Variants in SH3KBP1 observed in about 807,000 individuals in gnomAD.
SH3KBP1 encodes SH3 domain containing kinase binding protein 1, also known as SH3 domain-containing kinase-binding protein 1.
SH3KBP1 carries 8 observed loss-of-function variants against 50.1 expected under a neutral mutation model. The observed-to-expected ratio is 0.16, with a 90% CI of 0.09 to 0.29. The LOEUF (loss-of-function observed/expected upper bound fraction) is 0.29. Ranked by LOEUF, SH3KBP1 falls within the 10% of genes least tolerant of loss-of-function variation. SH3KBP1 has a pLI of 1.00. For missense variants in SH3KBP1, 377 were observed against 535.2 expected (o/e 0.70, Z 2.92); for synonymous variants, 227 against 218.6 (o/e 1.04, Z -0.34).
intron 2 of SH3KBP1, among the ~76,000 whole-genome samples, chrX:19,817,713 C>T (rs2067399399): frequency 9.0e-6 from 1 of 111,602 alleles, no homozygotes; most frequent in East Asian, 2.8e-4. Context: ...CAGCTCACTG[C>T]AACCTCCGTC....
intron 17 of SH3KBP1, among the ~76,000 whole-genome samples, chrX:19,537,058 T>C (rs1267734469): frequency 9.0e-6 from 1 of 111,605 alleles, no homozygotes; most frequent in Non-Finnish European, 1.9e-5. Context: ...CAAGAGCAAA[T>C]GCCCCCGAAC....
At chrX:19,875,673 T>C (rs2069228701) in intron 1 of SH3KBP1, among the ~76,000 whole-genome samples, 2 of 112,402 alleles carry the variant, frequency 1.8e-5, no homozygotes. Context: ...CCTGTGTATA[T>C]GGAGGGTGGA....
At chrX:19,696,132 G>A (rs1426394241) in intron 4 of SH3KBP1, among the ~76,000 whole-genome samples, 6 of 111,484 alleles carry the variant, frequency 5.4e-5, no homozygotes, top group South Asian at 7.5e-4. Context: ...TCAAAATATC[G>A]TATGTGCTCA....
intron 6 of SH3KBP1, among the ~76,000 whole-genome samples, chrX:19,669,306 GAAT>G (rs756765901): frequency 2.7e-4 from 27 of 101,284 alleles, no homozygotes; most frequent in Non-Finnish European, 4.3e-4. Context: ...CTTCAACTTT[GAAT>G]AATAATAATA....
At chrX:19,783,062 G>A (rs1195738116) in intron 2 of SH3KBP1, among the ~76,000 whole-genome samples, 1 of 112,189 alleles carries the variant, frequency 8.9e-6, no homozygotes, top group Non-Finnish European at 1.9e-5. Flanking sequence ...AGGTTGCAGT[G>A]ACCTGTGATC....
At chrX:19,657,619 G>A (rs1041602059) in intron 6 of SH3KBP1, among the ~76,000 whole-genome samples, 10 of 106,456 alleles carry the variant, frequency 9.4e-5, no homozygotes, top group East Asian at 3.0e-4. Context: ...TCCCATCTAC[G>A]CGGGAGGCTG....
At position 19,660,637 on chromosome X, in the gene SH3KBP1, C is replaced by T. The variant is rs183549974; in HGVS notation, c.727-15162G>A. ...GACCATCCCAGGAGCCCCTCAAGTGCGGGTCCATGCCAACCGCTTTTGGCT... is the reference window on the plus strand; with the variant it reads ...GACCATCCCAGGAGCCCCTCAAGTGTGGGTCCATGCCAACCGCTTTTGGCT... On this transcript the variant is annotated intron_variant, in intron 6 of 17. Transcript: ENST00000397821. Among the ~76,000 whole-genome samples the T allele has an allele frequency of 8.1e-5, 9 of 111,744 alleles. No homozygotes were observed. In the Admixed American group the frequency reaches 8.5e-4, roughly 11 times the overall value.
chrX:19,631,757 G>C lies in SH3KBP1; in HGVS notation c.897+107C>G, dbSNP rs1602731474. ...TACAAGATTCTTCCTCACAAGTTCAGGACTGAGAAAACCAAGCTTTCAAGC... is the reference window on the plus strand; with the variant it reads ...TACAAGATTCTTCCTCACAAGTTCACGACTGAGAAAACCAAGCTTTCAAGC... On this transcript the variant is annotated intron_variant, in intron 8 of 17. Coordinates refer to ENST00000397821, the MANE Select transcript of SH3KBP1 (RefSeq NM_031892.3). The C allele has an allele frequency of 9.0e-6, 4 of 444,961 alleles. No individual in the cohort carries two copies. In the Admixed American group the frequency reaches 1.5e-4, roughly 17 times the overall value. 36.7% of individuals were successfully genotyped at this position (444,961 alleles called of 1,213,427 possible).
At chrX:19,563,853 C>T (rs2065757000) in intron 13 of SH3KBP1, among the ~76,000 whole-genome samples, 1 of 111,800 alleles carries the variant, frequency 8.9e-6, no homozygotes, top group Non-Finnish European at 1.9e-5. Context: ...AGGAGCCAGC[C>T]GTGGCTCTTC....
chrX:19,663,588 C>A lies in SH3KBP1; in HGVS notation c.727-18113G>T, dbSNP rs1225719653. ...AAGACCAGGAATGGTACTGTTGGAA[C>A]TGACAACACATTCCCTACTCCTGAG... On this transcript the variant is annotated intron_variant, in intron 6 of 17. Coordinates refer to ENST00000397821, the MANE Select transcript of SH3KBP1 (RefSeq NM_031892.3). Among the ~76,000 whole-genome samples the A allele has an allele frequency of 5.4e-5, 6 of 111,603 alleles. No homozygotes were observed. In the Admixed American group the frequency reaches 5.7e-4, roughly 11 times the overall value.
intron 7 of SH3KBP1, among the ~76,000 whole-genome samples, chrX:19,643,064 G>A (rs1200037925): frequency 9.1e-6 from 1 of 110,428 alleles, no homozygotes; most frequent in Non-Finnish European, 1.9e-5. Flanking sequence ...AGGTTGCTCA[G>A]ATCCCAAGCT....
intron 2 of SH3KBP1, among the ~76,000 whole-genome samples, chrX:19,828,369 G>C (rs1379296773): frequency 9.1e-6 from 1 of 110,346 alleles, no homozygotes; most frequent in African/African-American, 3.3e-5. Context: ...CATGTTCTTT[G>C]TATGTTTTTA....
intron 7 of SH3KBP1, among the ~76,000 whole-genome samples, 159 bp from the exon 8 acceptor site, chrX:19,632,117 G>A (rs777899910): frequency 4.5e-5 from 5 of 111,611 alleles, no homozygotes; most frequent in Admixed American, 9.5e-5. Context: ...AAAATGACCC[G>A]AGAGTGCTCA....
chrX:19,755,966 A>G (rs2065197727), intron 2 of SH3KBP1, among the ~76,000 whole-genome samples: 1 of 111,227 alleles, frequency 9.0e-6, no homozygotes. Flanking sequence ...GTGAGCCCTT[A>G]AAAGGGACAG....
chrX:19,650,176 T>C (rs2062088904), intron 6 of SH3KBP1, among the ~76,000 whole-genome samples: 1 of 111,955 alleles, frequency 8.9e-6, no homozygotes, highest in South Asian at 3.8e-4. Flanking sequence ...GCAGCTATTA[T>C]AAGAAGAAGA....
At chrX:19,619,958 T>C (rs901647272) in intron 8 of SH3KBP1, among the ~76,000 whole-genome samples, 5 of 111,889 alleles carry the variant, frequency 4.5e-5, no homozygotes, top group Non-Finnish European at 9.4e-5. Flanking sequence ...CTGTTTCTAA[T>C]GGCACCTTCA....
chrX:19,818,706 A>G (rs971615102), intron 2 of SH3KBP1, among the ~76,000 whole-genome samples: 3 of 111,916 alleles, frequency 2.7e-5, no homozygotes, highest in East Asian at 5.5e-4. Context: ...TAGCGTGTTG[A>G]TATCATGGAT....
chrX:19,572,800 T>C (rs2066084800), intron 12 of SH3KBP1, among the ~76,000 whole-genome samples: 2 of 112,285 alleles, frequency 1.8e-5, no homozygotes, highest in African/African-American at 3.2e-5. Context: ...GAACGATGTT[T>C]ATAAATGGCT....
intron 1 of SH3KBP1, among the ~76,000 whole-genome samples, chrX:19,872,270 A>AAAAAAAAAAAG (rs2069069672): frequency 1.2e-5 from 1 of 83,728 alleles, no homozygotes; most frequent in Admixed American, 1.3e-4. Context: ...AAAAAAAAAA[A>AAAAAAAAAAAG]AAAGAAAGAA....
Sources: gnomAD v4.1 joint callset for allele counts (sites outside exome capture counted in the v4.1 genomes callset) on GRCh38, gnomAD v4.1.1 for gene constraint, MANE v1.5 for transcripts, NCBI Gene and HGNC (gene_info 2026-07-23, HGNC 2026-07-21) for gene names.